TRIM44: variants seen among roughly 807,000 people sequenced by gnomAD.
The protein encoded by TRIM44 is tripartite motif-containing protein 44.
Under a neutral mutation model 37.4 loss-of-function variants are expected in TRIM44, and 13 were observed. The ratio of observed to expected loss-of-function variants is 0.35; its 90% CI spans 0.23 to 0.55. The LOEUF is 0.55. TRIM44 is among the 20% of genes least tolerant of loss of function. The pLI is 0.89. For missense variants in TRIM44, 426 were observed against 437.2 expected (o/e 0.97, Z 0.23); for synonymous variants, 175 against 157.2 (o/e 1.11, Z -0.85).
intron 3 of TRIM44, among the ~76,000 whole-genome samples, chr11:35,727,970 C>A (rs1454668914): frequency 6.6e-6 from 1 of 152,198 alleles, no homozygotes; most frequent in African/African-American, 2.4e-5. Context: ...GTCCACAGTT[C>A]CTATCAAGTT....
intron 1 of TRIM44, among the ~76,000 whole-genome samples, chr11:35,667,510 C>T (rs1564937094): frequency 6.6e-6 from 1 of 152,148 alleles, no homozygotes; most frequent in Non-Finnish European, 1.5e-5. Context: ...GCTAGGACTA[C>T]AGGTGTGCCA....
At chr11:35,762,716 A>G (rs896410910) in intron 4 of TRIM44, among the ~76,000 whole-genome samples, 1 of 152,192 alleles carries the variant, frequency 6.6e-6, no homozygotes, top group African/African-American at 2.4e-5. Context: ...GTGTGATGCA[A>G]TGGTTAAAGA....
intron 2 of TRIM44, among the ~76,000 whole-genome samples, chr11:35,694,454 CT>C (rs1252108486): frequency 6.6e-6 from 1 of 152,054 alleles, no homozygotes; most frequent in Non-Finnish European, 1.5e-5. Flanking sequence ...CATCTTTTAC[CT>C]TATAAAGTAT....
intron 2 of TRIM44, chr11:35,724,218 A>T (rs945907385): frequency 2.0e-5 from 3 of 152,220 alleles, no homozygotes; most frequent in Non-Finnish European, 4.4e-5. Flanking sequence ...GGCTAATTAA[A>T]AATTAATCTG....
In TRIM44 at chr11:35,806,700, A is replaced by G; in HGVS notation, c.*315A>G. ...TTACTCAGGAAAGCCAGCCCCCATA[A>G]TATTGTATTACCAAACAGTATCGCT... On this transcript the variant is annotated 3_prime_UTR_variant, in exon 5 of 5. Transcript: ENST00000299413. 3.2e-6 allele frequency: 1 copy of G among 311,648 alleles called. No individual in the cohort carries two copies. Among genetic ancestry groups the G allele is most frequent in the Non-Finnish European group, 5.9e-6 (1 of 168,172 alleles). 19.3% of individuals were successfully genotyped at this position (311,648 alleles called of 1,614,324 possible). A position where few individuals can be genotyped will look rare whatever the true frequency, so the allele number is the denominator to read the frequency against.
At chr11:35,669,669 G>C (rs1359869498) in intron 1 of TRIM44, among the ~76,000 whole-genome samples, 1 of 151,972 alleles carries the variant, frequency 6.6e-6, no homozygotes, top group African/African-American at 2.4e-5. Context: ...TATAGAGATG[G>C]GGTTTCACCA....
rs1485711612 is a variant in TRIM44 at position 35,813,691 on chromosome 11, T to G, written c.*7306T>G. 3 of 152,116 alleles carry G rather than the reference T, an allele frequency of 2.0e-5. No homozygotes were observed. Among genetic ancestry groups the G allele is most frequent in the African/African-American group, 7.2e-5 (3 of 41,422 alleles). 9.4% of individuals were successfully genotyped at this position (152,116 alleles called of 1,614,324 possible). On this transcript the variant is annotated 3_prime_UTR_variant, in exon 5 of 5. Transcript: ENST00000299413. Reference sequence around the variant, plus strand: ...AATATTCTATTTAAAATGATGACCCTGTGCACCATACATAAAAAAACTATG... The same window carrying G: ...AATATTCTATTTAAAATGATGACCCGGTGCACCATACATAAAAAAACTATG...
At chr11:35,751,337 C>T (rs1022051333) in intron 4 of TRIM44, among the ~76,000 whole-genome samples, 14 of 152,134 alleles carry the variant, frequency 9.2e-5, no homozygotes, top group African/African-American at 3.1e-4. Flanking sequence ...CTGCATCTAA[C>T]GAATAGTAAT....
At chr11:35,759,707 T>C (rs1378033905) in intron 4 of TRIM44, among the ~76,000 whole-genome samples, 2 of 152,220 alleles carry the variant, frequency 1.3e-5, no homozygotes, top group African/African-American at 2.4e-5. Context: ...TTAGTTTTCC[T>C]TCTAACAGTC....
intron 1 of TRIM44, among the ~76,000 whole-genome samples, chr11:35,666,965 T>G (rs35262210): frequency 6.6e-6 from 1 of 152,200 alleles, no homozygotes; most frequent in Non-Finnish European, 1.5e-5. Flanking sequence ...CTTATATCTG[T>G]TATTTGTTTT....
At chr11:35,674,130 A>G (rs983232995) in intron 1 of TRIM44, among the ~76,000 whole-genome samples, 1 of 152,094 alleles carries the variant, frequency 6.6e-6, no homozygotes, top group African/African-American at 2.4e-5. Flanking sequence ...CAGAAGCTTT[A>G]GTCTTGATAC....
intron 2 of TRIM44, among the ~76,000 whole-genome samples, chr11:35,717,672 G>T (rs1852054494): frequency 6.6e-6 from 1 of 152,096 alleles, no homozygotes; most frequent in South Asian, 2.1e-4. Context: ...CCACTGGGCG[G>T]TTACAAAACT....
intron 2 of TRIM44, among the ~76,000 whole-genome samples, chr11:35,694,789 A>G (rs980737541): frequency 3.3e-5 from 5 of 152,074 alleles, no homozygotes; most frequent in African/African-American, 1.2e-4. Context: ...AGGGTTCCAA[A>G]GTTTTGCTGC....
chr11:35,799,387 C>CA (rs1565037147), intron 4 of TRIM44, among the ~76,000 whole-genome samples: 1 of 152,198 alleles, frequency 6.6e-6, no homozygotes. Context: ...TCTGGAGAGA[C>CA]AGAGTCAGCT....
rs1851285850 is a variant in TRIM44 at position 35,662,926 on chromosome 11, G to A, written c.-186G>A. ...CGGAGCAGGCCGAGCCGGCGGAAAG[G>A]GTCTTTGCTGCTGCGCCCGGGCAGG... On this transcript the variant is annotated 5_prime_UTR_variant, in exon 1 of 5. Coordinates refer to ENST00000299413, the MANE Select transcript of TRIM44 (RefSeq NM_017583.6). The A allele has an allele frequency of 1.2e-5, 12 of 1,010,674 alleles. 2 individuals carry two copies. Among genetic ancestry groups the A allele is most frequent in the South Asian group, 1.0e-4 (4 of 38,332 alleles). The allele number at this position is 1,010,674 out of a possible 1,614,324, so 62.6% of individuals were successfully genotyped here. A position where few individuals can be genotyped will look rare whatever the true frequency, so the allele number is the denominator to read the frequency against.
intron 4 of TRIM44, among the ~76,000 whole-genome samples, chr11:35,779,926 C>T (rs1384799193): frequency 1.4e-5 from 2 of 145,656 alleles, no homozygotes; most frequent in Non-Finnish European, 3.0e-5. Flanking sequence ...AGGTGTGCAG[C>T]TTTATTTCTG....
intron 4 of TRIM44, among the ~76,000 whole-genome samples, chr11:35,776,367 TC>T (rs1201494400): frequency 6.6e-6 from 1 of 152,146 alleles, no homozygotes; most frequent in African/African-American, 2.4e-5. Context: ...TATTAGTCTT[TC>T]TAGCGGTCTA....
chr11:35,744,894 A>G (rs1852467299), intron 4 of TRIM44, among the ~76,000 whole-genome samples: 2 of 152,202 alleles, frequency 1.3e-5, no homozygotes, highest in South Asian at 4.1e-4. Flanking sequence ...TGAAAAGGAC[A>G]TGATCTCATT....
rs1240225894 is a variant in TRIM44, at chr11:35,663,242, A to G, written c.131A>G (p.His44Arg). The change falls in exon 1 of 5, where the codon CAT becomes CGT. Residue 44 changes from histidine (H) to arginine (R), a missense_variant. Coordinates refer to ENST00000299413, the MANE Select transcript of TRIM44 (RefSeq NM_017583.6). ...RECGFCYCRRHAEAHRQKFLS... is the reference protein window; with the variant it reads ...RECGFCYCRRRAEAHRQKFLS... ...TGCGGCTTCTGCTACTGCCGCCGCC[A>G]TGCCGAGGCGCACAGGCAGAAGTTC... 2 of 1,609,398 alleles carry G rather than the reference A, an allele frequency of 1.2e-6. No individual in the cohort carries two copies. Among genetic ancestry groups the G allele is most frequent in the Non-Finnish European group, 1.7e-6 (2 of 1,176,514 alleles).
Sources: gnomAD v4.1 joint callset for allele counts (sites outside exome capture counted in the v4.1 genomes callset) on GRCh38, gnomAD v4.1.1 for gene constraint, MANE v1.5 for transcripts, NCBI Gene and HGNC (gene_info 2026-07-23, HGNC 2026-07-21) for gene names.